Variants in TMEM232 observed in about 807,000 individuals in gnomAD.
TMEM232 encodes transmembrane protein 232.
Under a neutral mutation model 78.8 loss-of-function variants are expected in TMEM232, and 80 were observed. The ratio of observed to expected loss-of-function variants is 1.01; its 90% CI spans 0.85 to 1.22. The LOEUF (loss-of-function observed/expected upper bound fraction) is 1.22. Ranked by LOEUF, TMEM232 falls within the 50% of genes most tolerant of loss-of-function variation. TMEM232 has a pLI of 0.00. For synonymous variants in TMEM232, 297 were observed against 254.3 expected, an observed-to-expected ratio of 1.17 and a Z score of -1.60; for missense variants, 881 against 742.2, an observed-to-expected ratio of 1.19 and a Z score of -2.17.
intron 12 of TMEM232, among the ~76,000 whole-genome samples, chr5:110,475,980 A>T (rs568757696): frequency 1.2e-4 from 19 of 152,070 alleles, no homozygotes; most frequent in Non-Finnish European, 2.8e-4. Context: ...GAACACTTTC[A>T]ACACAGAATC....
intron 2 of TMEM232, among the ~76,000 whole-genome samples, chr5:110,410,807 G>T (rs1381923707): frequency 2.0e-5 from 3 of 152,142 alleles, no homozygotes; most frequent in Non-Finnish European, 4.4e-5. Context: ...GGGTCAACTG[G>T]TTTGAGTTTG....
At chr5:110,733,456 C>T (rs1205130352) in intron 2 of TMEM232, among the ~76,000 whole-genome samples, 6 of 152,064 alleles carry the variant, frequency 3.9e-5, no homozygotes, top group African/African-American at 1.4e-4. Flanking sequence ...ATGCCCATCA[C>T]TGCCCATAAA....
At chr5:110,544,405 C>A (rs1238622943) in intron 11 of TMEM232, among the ~76,000 whole-genome samples, 3 of 104,200 alleles carry the variant, frequency 2.9e-5, no homozygotes, top group East Asian at 2.7e-4. Context: ...TAAATCAGCC[C>A]AAAGGAATTA....
chr5:110,677,059 C>G (rs529930858), intron 1 of TMEM232, among the ~76,000 whole-genome samples: 4 of 152,262 alleles, frequency 2.6e-5, no homozygotes, highest in African/African-American at 9.6e-5. Context: ...CCGCGCCCTG[C>G]CTCATTGCTT....
At chr5:110,394,328 C>T (rs970188290) in intron 3 of TMEM232, among the ~76,000 whole-genome samples, 18 of 152,130 alleles carry the variant, frequency 1.2e-4, no homozygotes, top group African/African-American at 4.3e-4. Context: ...GTATATGCAC[C>T]AAGTTTCCTT....
rs146284907 is a variant in TMEM232, at chr5:110,694,920, T to A, written c.-12-27556A>T. Among the ~76,000 whole-genome samples the A allele has an allele frequency of 2.2e-3, 331 of 152,168 alleles. 4 individuals carry two copies. The highest frequency in any genetic ancestry group is 1.7e-3 in the Non-Finnish European group (118 of 67,980). ...AGACAGAAAGTTCACAAGGATATCC[T>A]GGAATTGAACACAGCTCTGCACCAA... On this transcript the variant is annotated intron_variant, in intron 1 of 13. Transcript: ENST00000455884.
rs545150528 is a variant in TMEM232, at chr5:110,719,761, A to G, written c.-13+6866T>C. Among the ~76,000 whole-genome samples the G allele has an allele frequency of 3.3e-5, 5 of 152,218 alleles. No homozygotes were observed. In the South Asian group the frequency reaches 1.0e-3, roughly 32 times the overall value. On this transcript the variant is annotated intron_variant, in intron 1 of 13. Coordinates refer to ENST00000455884, the MANE Select transcript of TMEM232 (RefSeq NM_001039763.4). ...TGGGCATTCACACCGTCACCCTGGGATGACAGTGAATTTGGCAAGGCTCTC... is the reference window on the plus strand; with the variant it reads ...TGGGCATTCACACCGTCACCCTGGGGTGACAGTGAATTTGGCAAGGCTCTC...
chr5:110,439,417 T>C (rs1312825371), intron 12 of TMEM232, among the ~76,000 whole-genome samples: 1 of 152,078 alleles, frequency 6.6e-6, no homozygotes. Context: ...AGTTAAAATA[T>C]TGTTCTGATG....
chr5:110,571,696 T>TG (rs1561711221), intron 10 of TMEM232, among the ~76,000 whole-genome samples: 2 of 112,152 alleles, frequency 1.8e-5, no homozygotes, highest in East Asian at 4.6e-4. Context: ...TGTTTTTTTG[T>TG]TTTTTTTTTA....
chr5:110,415,963 A>G (rs1241069778), downstream of TMEM232, among the ~76,000 whole-genome samples: 1 of 152,162 alleles, frequency 6.6e-6, no homozygotes, highest in African/African-American at 2.4e-5. Context: ...TTGAAAAGAC[A>G]TTTTATTTTT....
chr5:110,445,789 A>G (rs1488444953), intron 12 of TMEM232, among the ~76,000 whole-genome samples: 1 of 152,020 alleles, frequency 6.6e-6, no homozygotes, highest in Admixed American at 6.6e-5. Context: ...CAAAGACATG[A>G]CTTTTTTTGC....
chr5:110,663,211 A>G (rs1790044647), intron 2 of TMEM232, among the ~76,000 whole-genome samples: 1 of 152,124 alleles, frequency 6.6e-6, no homozygotes, highest in African/African-American at 2.4e-5. Context: ...ACAAGCAATA[A>G]AAATGATATA....
intron 12 of TMEM232, among the ~76,000 whole-genome samples, chr5:110,484,412 G>A (rs375628809): frequency 1.2e-4 from 19 of 152,046 alleles, no homozygotes; most frequent in African/African-American, 4.6e-4. Flanking sequence ...GCAATACAAA[G>A]AGGAACAAAA....
At chr5:110,524,522 A>G (rs961006994) in intron 12 of TMEM232, among the ~76,000 whole-genome samples, 14 of 152,176 alleles carry the variant, frequency 9.2e-5, no homozygotes, top group African/African-American at 3.4e-4. Context: ...ACTTGATATA[A>G]TTCTATCTTT....
chr5:110,497,658 GAT>G (rs1561572740), intron 12 of TMEM232, among the ~76,000 whole-genome samples: 1 of 152,102 alleles, frequency 6.6e-6, no homozygotes, highest in Non-Finnish European at 1.5e-5. Context: ...GTTGACCCTT[GAT>G]ATACTCCATG....
chr5:110,578,347 AT>A (rs1777799241), intron 10 of TMEM232, among the ~76,000 whole-genome samples: 1 of 152,178 alleles, frequency 6.6e-6, no homozygotes, highest in African/African-American at 2.4e-5. Context: ...GTTCTTGGAA[AT>A]TGTAAAAAAG....
At chr5:110,624,302 G>T (rs1027549763) in intron 7 of TMEM232, among the ~76,000 whole-genome samples, 2 of 150,924 alleles carry the variant, frequency 1.3e-5, no homozygotes, top group Admixed American at 1.3e-4. Flanking sequence ...GCACATGCTG[G>T]TTTTTTTTTC....
intron 11 of TMEM232, among the ~76,000 whole-genome samples, chr5:110,554,246 G>A (rs1004580519): frequency 6.6e-6 from 1 of 152,058 alleles, no homozygotes; most frequent in Non-Finnish European, 1.5e-5. Context: ...TAGAATATAA[G>A]CAGGCAGAAA....
At chr5:110,693,945 T>C (rs763410972) in intron 1 of TMEM232, among the ~76,000 whole-genome samples, 2 of 151,866 alleles carry the variant, frequency 1.3e-5, no homozygotes, top group Non-Finnish European at 2.9e-5. Context: ...ATTCAGGAAA[T>C]ACAGAGAATG....
Sources: gnomAD v4.1 joint callset for allele counts (sites outside exome capture counted in the v4.1 genomes callset) on GRCh38, gnomAD v4.1.1 for gene constraint, MANE v1.5 for transcripts, NCBI Gene and HGNC (gene_info 2026-07-23, HGNC 2026-07-21) for gene names.